The following FAM53B variants were observed in gnomAD, a reference collection of about 807,000 sequenced individuals.
FAM53B encodes the protein family with sequence similarity 53 member B, also known as protein FAM53B.
FAM53B carries 12 observed loss-of-function variants against 32.7 expected under a neutral mutation model. The observed-to-expected ratio is 0.37, with a 90% CI of 0.24 to 0.59. The LOEUF (loss-of-function observed/expected upper bound fraction) is 0.59. Among genes scored for constraint, FAM53B ranks in the 20% least tolerant of loss-of-function variants. The pLI is 0.72. For missense variants in FAM53B, 477 were observed against 577.7 expected, an observed-to-expected ratio of 0.83 and a Z score of 1.79; for synonymous variants, 234 against 228.7, an observed-to-expected ratio of 1.02 and a Z score of -0.21.
intron 3 of FAM53B, among the ~76,000 whole-genome samples, chr10:124,685,483 G>A (rs1189968344): frequency 6.6e-6 from 1 of 152,212 alleles, no homozygotes; most frequent in Non-Finnish European, 1.5e-5. Context: ...AAGGCACTGA[G>A]GCACCAGATG....
At chr10:124,669,872 C>T in intron 4 of FAM53B, among the ~76,000 whole-genome samples, 1 of 149,330 alleles carries the variant, frequency 6.7e-6, no homozygotes, top group African/African-American at 2.5e-5. Context: ...TGGGTGAGGA[C>T]CACAGGGTGG....
chr10:124,740,906 G>A (rs191005440), intron 1 of FAM53B, among the ~76,000 whole-genome samples: 2 of 152,190 alleles, frequency 1.3e-5, no homozygotes, highest in South Asian at 2.1e-4. Flanking sequence ...CGCCAGCTCC[G>A]GCCATGTGCT....
Position 124,621,748 on chromosome 10 carries a change from G to T in FAM53B, c.*1494C>A, listed in dbSNP as rs969690367. ...ACCTGCAGAAGCGAGGCGTTCACTC[G>T]TCCATGAAGACGAGCAAAAGCAAAG... On this transcript the variant is annotated 3_prime_UTR_variant, in exon 5 of 5. Coordinates refer to ENST00000337318, the MANE Select transcript of FAM53B (RefSeq NM_014661.4). The T allele has an allele frequency of 1.3e-5, 2 of 152,256 alleles. No individual in the cohort carries two copies. The highest frequency in any genetic ancestry group is 1.9e-4 in the East Asian group (1 of 5,204). 9.4% of individuals were successfully genotyped at this position (152,256 alleles called of 1,614,324 possible). A position where few individuals can be genotyped will look rare whatever the true frequency, so the allele number is the denominator to read the frequency against.
At chr10:124,652,854 G>T (rs1211493780) in intron 4 of FAM53B, among the ~76,000 whole-genome samples, 1 of 152,176 alleles carries the variant, frequency 6.6e-6, no homozygotes, top group Non-Finnish European at 1.5e-5. Context: ...CCTCAGGCTA[G>T]TCCCCAGGGC....
chr10:124,682,158 A>G lies in FAM53B; in HGVS notation c.355T>C (p.Phe119Leu), dbSNP rs1275786017. The G allele has an allele frequency of 6.2e-7, 1 of 1,613,516 alleles. No homozygotes were observed. Among genetic ancestry groups the G allele is most frequent in the African/African-American group, 1.3e-5 (1 of 74,946 alleles). The change falls in exon 4 of 5, where the codon TTC becomes CTC. Residue 119 changes from phenylalanine (F) to leucine (L), a missense_variant. Physicochemically the swap from Phe to Leu is conservative, Grantham distance 22. Transcript: ENST00000337318. The surrounding 1 kb of genome is among the most constrained non-coding windows in gnomAD (Gnocchi z 5.2). ...PSKRQCRSLS[F>L]SDEMSSCRTS... ...CGGCAACTGGACATCTCATCGGAGA[A>G]GGACAGTGAGCGGCACTGGCGCTTG... is the stretch of plus-strand genomic sequence containing the variant.
intron 4 of FAM53B, among the ~76,000 whole-genome samples, chr10:124,677,562 C>A (rs151111616): frequency 2.0e-5 from 3 of 152,256 alleles, no homozygotes; most frequent in Non-Finnish European, 4.4e-5. Context: ...TAGGTCCTTG[C>A]GTCATTTCCC....
At chr10:124,643,099 CACAA>C in intron 4 of FAM53B, among the ~76,000 whole-genome samples, 1 of 152,304 alleles carries the variant, frequency 6.6e-6, no homozygotes. Flanking sequence ...ACACACAAAA[CACAA>C]ACAAAAATGT....
At chr10:124,685,188 A>C (rs2134070368) in intron 3 of FAM53B, among the ~76,000 whole-genome samples, 1 of 152,386 alleles carries the variant, frequency 6.6e-6, no homozygotes, top group Admixed American at 6.5e-5. Flanking sequence ...GGTAAGAAAG[A>C]AATAAACCGA....
chr10:124,682,198 G>A lies in FAM53B; in HGVS notation c.315C>T (p.Pro105=). 12 of 1,613,962 alleles carry A rather than the reference G, an allele frequency of 7.4e-6. No homozygotes were observed. The highest frequency in any genetic ancestry group is 1.0e-5 in the Non-Finnish European group (12 of 1,179,970). Residue 105 remains proline (P), a synonymous_variant, in exon 4 of 5, where the codon CCC becomes CCT. Coordinates refer to ENST00000337318, the MANE Select transcript of FAM53B (RefSeq NM_014661.4). The surrounding 1 kb of genome is among the most constrained non-coding windows in gnomAD (Gnocchi z 5.2). The part of the protein sequence containing the change: ...DLSISDHNGN[P]SAPPSKRQCR... ...ACTGGCGCTTGCTAGGGGGTGCTGAGGGGTTCCCGTTGTGGTCGCTGATGC... is the reference window on the plus strand; with the variant it reads ...ACTGGCGCTTGCTAGGGGGTGCTGAAGGGTTCCCGTTGTGGTCGCTGATGC...
intron 4 of FAM53B, among the ~76,000 whole-genome samples, chr10:124,625,781 G>A (rs928537768): frequency 1.3e-5 from 2 of 152,216 alleles, no homozygotes; most frequent in Non-Finnish European, 2.9e-5. Context: ...GGGGCAAGAT[G>A]GCCCAGCCTG....
chr10:124,634,133 CA>C (rs1436670845), intron 4 of FAM53B, among the ~76,000 whole-genome samples: 1 of 152,090 alleles, frequency 6.6e-6, no homozygotes, highest in African/African-American at 2.4e-5. Flanking sequence ...TCAAAATATC[CA>C]AAAAGTAGAA....
At chr10:124,679,314 G>A (rs1168051259) in intron 4 of FAM53B, among the ~76,000 whole-genome samples, 1 of 152,136 alleles carries the variant, frequency 6.6e-6, no homozygotes, top group Non-Finnish European at 1.5e-5. Flanking sequence ...GTGGCCAGTG[G>A]TCTCACCTCA....
rs913582229 is a variant in FAM53B at position 124,744,231 on chromosome 10, C to CCCG, written c.-396_-394dup. ...ACCGGCACCGGCCAGGCCGCCCGCACCCGCCGCCGCCGCGGAGCCGCCAGA... is the reference window on the plus strand; with the variant it reads ...ACCGGCACCGGCCAGGCCGCCCGCACCCGCCGCCGCCGCCGCGGAGCCGCCAGA... On this transcript the variant is annotated 5_prime_UTR_variant, in exon 1 of 5. Transcript: ENST00000337318. 1.4e-5 allele frequency: 2 copies of CCCG among 146,966 alleles called. No homozygotes were observed. The highest frequency in any genetic ancestry group is 4.9e-5 in the African/African-American group (2 of 40,928). 9.1% of individuals were successfully genotyped at this position (146,966 alleles called of 1,614,324 possible).
intron 4 of FAM53B, among the ~76,000 whole-genome samples, chr10:124,629,017 A>C (rs927448129): frequency 6.6e-6 from 1 of 152,222 alleles, no homozygotes; most frequent in Non-Finnish European, 1.5e-5. Context: ...CTAGAGACCC[A>C]ATCTAAAGCC....
chr10:124,687,897 CT>C (rs1441114267), intron 3 of FAM53B, among the ~76,000 whole-genome samples: 1 of 152,218 alleles, frequency 6.6e-6, no homozygotes, highest in Non-Finnish European at 1.5e-5. Flanking sequence ...TCCAGCACCA[CT>C]GCCCAGAAGC....
At chr10:124,700,534 G>A (rs1564881505) in intron 2 of FAM53B, among the ~76,000 whole-genome samples, 3 of 152,136 alleles carry the variant, frequency 2.0e-5, no homozygotes, top group Non-Finnish European at 2.9e-5. Flanking sequence ...CCGAGCCCAC[G>A]CCGGGGCAGG....
At position 124,682,387 on chromosome 10, in the gene FAM53B, A is replaced by G; in HGVS notation, c.134-8T>C. On this transcript the variant is annotated splice_polypyrimidine_tract_variant and splice_region_variant and intron_variant, in intron 3 of 4. Coordinates refer to ENST00000337318, the MANE Select transcript of FAM53B (RefSeq NM_014661.4). This position sits in a 1 kb window ranked among gnomAD's most constrained non-coding sequence, Gnocchi z 5.2. ...CTCGCCATCTGTCATTTTCTGGTTC[A>G]TAAATGACAAGGAGAAAACAGGATT... is the stretch of plus-strand genomic sequence containing the variant. The G allele has an allele frequency of 6.3e-7, 1 of 1,587,992 alleles. No individual in the cohort carries two copies. Among genetic ancestry groups the G allele is most frequent in the Non-Finnish European group, 8.6e-7 (1 of 1,165,240 alleles).
intron 4 of FAM53B, among the ~76,000 whole-genome samples, chr10:124,625,094 A>G (rs1280664184): frequency 1.3e-5 from 2 of 152,310 alleles, no homozygotes; most frequent in East Asian, 3.9e-4. Context: ...GATTCTTTCA[A>G]AGGCTGCAGT....
chr10:124,634,151 C>T (rs1461905137), intron 4 of FAM53B, among the ~76,000 whole-genome samples: 1 of 152,124 alleles, frequency 6.6e-6, no homozygotes, highest in African/African-American at 2.4e-5. Context: ...AGAAACAGCC[C>T]AAATGTCTAT....
Sources: allele counts gnomAD v4.1 joint callset (sites outside exome capture counted in the v4.1 genomes callset), GRCh38; gene constraint gnomAD v4.1.1; non-coding constraint Gnocchi (gnomAD v3.1); transcripts MANE v1.5; gene names NCBI Gene and HGNC (gene_info 2026-07-23, HGNC 2026-07-21).